Variants in PNPLA8 observed in about 807,000 individuals in gnomAD.
PNPLA8 encodes the protein calcium-independent phospholipase A2-gamma.
PNPLA8 carries 39 observed loss-of-function variants against 76.9 expected under a neutral mutation model. The ratio of observed to expected loss-of-function variants is 0.51; its 90% CI spans 0.39 to 0.66. The LOEUF (loss-of-function observed/expected upper bound fraction) is 0.66, where lower values mean the gene tolerates loss of function less well. Ranked by LOEUF, PNPLA8 falls within the 30% of genes least tolerant of loss-of-function variation. The pLI, the probability that PNPLA8 is intolerant of heterozygous loss-of-function variation, is 0.00. For missense variants in PNPLA8, 887 were observed against 918.0 expected (o/e 0.97, Z 0.44); for synonymous variants, 301 against 307.9 (o/e 0.98, Z 0.24).
intron 4 of PNPLA8, among the ~76,000 whole-genome samples, chr7:108,504,224 T>C (rs1315998023): frequency 3.9e-5 from 6 of 152,170 alleles, no homozygotes. Context: ...ATCTAGAGCT[T>C]ATGCAATTTT....
chr7:108,473,609 T>C (rs1450309137), intron 10 of PNPLA8, among the ~76,000 whole-genome samples: 3 of 152,210 alleles, frequency 2.0e-5, no homozygotes, highest in Admixed American at 1.3e-4. Flanking sequence ...TAGTGGTATC[T>C]TGTGGTTTAA....
chr7:108,500,739 G>A (rs112933792), intron 5 of PNPLA8, among the ~76,000 whole-genome samples: 326 of 152,166 alleles, frequency 2.1e-3, no homozygotes, highest in African/African-American at 7.0e-3. Flanking sequence ...GTGAAACCCC[G>A]TCTCTACTAA....
intron 5 of PNPLA8, among the ~76,000 whole-genome samples, chr7:108,500,668 G>C (rs1861867663): frequency 6.6e-6 from 1 of 152,136 alleles, no homozygotes; most frequent in Non-Finnish European, 1.5e-5. Context: ...CCAGCACTTT[G>C]GGAGGCCAAG....
At chr7:108,495,396 G>A (rs1049108964) in intron 7 of PNPLA8, among the ~76,000 whole-genome samples, 3 of 152,032 alleles carry the variant, frequency 2.0e-5, no homozygotes, top group East Asian at 3.8e-4. Context: ...ACTGACATAG[G>A]AAATAATCTG....
intron 7 of PNPLA8, among the ~76,000 whole-genome samples, chr7:108,492,042 G>A (rs2154515386): frequency 6.6e-6 from 1 of 152,240 alleles, no homozygotes. Flanking sequence ...TTGTCCTTGG[G>A]CAGCAATTTT....
At chr7:108,516,449 T>C (rs1229395520) in intron 2 of PNPLA8, among the ~76,000 whole-genome samples, 1 of 152,036 alleles carries the variant, frequency 6.6e-6, no homozygotes, top group Non-Finnish European at 1.5e-5. Flanking sequence ...AAAAATTAAC[T>C]CAAAACAGAT....
At chr7:108,492,931 T>G (rs1283940379) in intron 7 of PNPLA8, among the ~76,000 whole-genome samples, 1 of 152,186 alleles carries the variant, frequency 6.6e-6, no homozygotes, top group Non-Finnish European at 1.5e-5. Context: ...TAAGTGCTTA[T>G]GCACTGGGGC....
At position 108,472,684 on chromosome 7, in the gene PNPLA8, G is replaced by C. The variant is rs745753015; in HGVS notation, c.2075-9C>G. The C allele has an allele frequency of 1.9e-6, 3 of 1,553,662 alleles. No homozygotes were observed. The Admixed American group carries it at 6.6e-5, about 34-fold the overall frequency. On this transcript the variant is annotated splice_polypyrimidine_tract_variant and intron_variant, in intron 10 of 10. Coordinates refer to ENST00000257694, the MANE Select transcript of PNPLA8 (RefSeq NM_001256007.3). ...AAGCATTATATGGACTTCTGTTAAA[G>C]CAAAAAAGAAAAGGATAAGGGGATA...
Position 108,514,424 on chromosome 7 carries a change from T to C in PNPLA8, c.1056+12A>G, listed in dbSNP as rs1242863082. The stretch of plus-strand genomic sequence containing the variant: ...AAAGTAATAGAACCGAAAAGCACAC[T>C]GAACAACTTGCCTTTTCTCGCTGAA... On this transcript the variant is annotated intron_variant, in intron 3 of 10. Transcript: ENST00000257694. 1.3e-6 allele frequency: 2 copies of C among 1,593,392 alleles called. No homozygotes were observed. The highest frequency in any genetic ancestry group is 2.2e-5 in the East Asian group (1 of 44,712).
At chr7:108,519,383 TAC>T (rs1292449626) in intron 2 of PNPLA8, among the ~76,000 whole-genome samples, 3 of 151,606 alleles carry the variant, frequency 2.0e-5, no homozygotes, top group Non-Finnish European at 4.4e-5. Context: ...ACAACAAAAC[TAC>T]ACACACAGAG....
intron 4 of PNPLA8, among the ~76,000 whole-genome samples, chr7:108,506,144 G>A (rs959926294): frequency 2.6e-5 from 4 of 152,170 alleles, no homozygotes; most frequent in East Asian, 1.9e-4. Context: ...TTGGGAGGCC[G>A]AAGTGGGCAG....
chr7:108,522,440 C>T (rs1024012974), intron 1 of PNPLA8, among the ~76,000 whole-genome samples: 1 of 152,126 alleles, frequency 6.6e-6, no homozygotes, highest in African/African-American at 2.4e-5. Flanking sequence ...CTGATAGTAA[C>T]TCTTTCAACC....
chr7:108,528,036 C>G (rs1360673525), upstream of PNPLA8: 1 of 152,230 alleles, frequency 6.6e-6, no homozygotes, highest in African/African-American at 2.4e-5. Context: ...CTTCCTCTCC[C>G]TCCCTTGTCT....
chr7:108,491,498 TCAAA>T, intron 7 of PNPLA8, 31 bp from the exon 8 acceptor site: 1 of 1,348,232 alleles, frequency 7.4e-7, no homozygotes, highest in Non-Finnish European at 1.1e-6. Flanking sequence ...ATAAGTTATA[TCAAA>T]ATGACTTTAT....
intron 5 of PNPLA8, among the ~76,000 whole-genome samples, 195 bp from the exon 6 acceptor site, chr7:108,497,772 T>C (rs969573132): frequency 6.6e-6 from 1 of 151,862 alleles, no homozygotes; most frequent in African/African-American, 2.4e-5. Flanking sequence ...ATCTAAATGA[T>C]AAAAAAACCT....
intron 5 of PNPLA8, among the ~76,000 whole-genome samples, chr7:108,501,561 G>T (rs1861950350): frequency 6.6e-6 from 1 of 152,062 alleles, no homozygotes; most frequent in South Asian, 2.1e-4. Flanking sequence ...GGTGGCTCAC[G>T]CCTGTAATCA....
intron 9 of PNPLA8, among the ~76,000 whole-genome samples, chr7:108,483,458 A>G (rs1413118204): frequency 3.3e-5 from 5 of 152,208 alleles, no homozygotes; most frequent in Non-Finnish European, 7.3e-5. Context: ...ACTACTCTTC[A>G]AAGTCACGCA....
chr7:108,472,656 A>G lies in PNPLA8; in HGVS notation c.2094T>C (p.Asp698=). Reference sequence around the variant, plus strand: ...AATAGGTGTCAGGAGGTAACAGGCCATCAAGCATTATATGGACTTCTGTTA... The same window carrying G: ...AATAGGTGTCAGGAGGTAACAGGCCGTCAAGCATTATATGGACTTCTGTTA... ...TDTEEVHIML[D]GLLPPDTYFR... The change falls in exon 11 of 11, where the codon GAT becomes GAC. Residue 698 remains aspartate (D), a synonymous_variant. Transcript: ENST00000257694. 2 of 1,588,480 alleles carry G rather than the reference A, an allele frequency of 1.3e-6. No individual in the cohort carries two copies. The highest frequency in any genetic ancestry group is 1.7e-6 in the Non-Finnish European group (2 of 1,172,766).
chr7:108,499,001 C>T (rs115924334), intron 5 of PNPLA8, among the ~76,000 whole-genome samples: 3,139 of 152,110 alleles, frequency 0.021, 43 homozygotes, highest in African/African-American at 0.028. Context: ...ACCAAAGATG[C>T]TGATTTTTTA....
Sources: gnomAD v4.1 joint callset for allele counts (sites outside exome capture counted in the v4.1 genomes callset) on GRCh38, gnomAD v4.1.1 for gene constraint, MANE v1.5 for transcripts, NCBI Gene and HGNC (gene_info 2026-07-23, HGNC 2026-07-21) for gene names.